APC: variants seen among roughly 807,000 people sequenced by gnomAD.
APC encodes the protein APC regulator of Wnt signaling pathway.
A neutral mutation model predicts 247.0 loss-of-function variants in APC; 72 were observed. The ratio of observed to expected loss-of-function variants is 0.29; its 90% CI spans 0.24 to 0.35. The LOEUF is 0.35. Ranked by LOEUF, APC falls within the 10% of genes least tolerant of loss-of-function variation. The pLI is 1.00. For synonymous variants in APC, 1,254 were observed against 1,162.5 expected, an observed-to-expected ratio of 1.08 and a Z score of -1.60; for missense variants, 3,400 against 3,360.7, an observed-to-expected ratio of 1.01 and a Z score of -0.29.
chr5:112,747,466 C>T (rs1040352316), intron 1 of APC, among the ~76,000 whole-genome samples: 4 of 152,012 alleles, frequency 2.6e-5, no homozygotes, highest in African/African-American at 9.7e-5. Flanking sequence ...TTCAGTTATC[C>T]ATATGAAACA....
intron 11 of APC, among the ~76,000 whole-genome samples, chr5:112,825,769 T>G (rs961091629): frequency 1.4e-4 from 21 of 152,232 alleles, no homozygotes; most frequent in African/African-American, 4.8e-4. Context: ...CCTCAGCCTT[T>G]TTCTTATGGA....
At chr5:112,727,653 T>C (rs1171983781) in intron 1 of APC, among the ~76,000 whole-genome samples, 1 of 152,194 alleles carries the variant, frequency 6.6e-6, no homozygotes, top group African/African-American at 2.4e-5. Context: ...AAATAAATGA[T>C]CATTTTGATC....
Position 112,818,952 on chromosome 5 carries a change from C to T in APC, c.934-14C>T, listed in dbSNP as rs778707022. 4.5e-5 allele frequency: 72 copies of T among 1,592,574 alleles called. No individual in the cohort carries two copies. The highest frequency in any genetic ancestry group is 2.3e-5 in the East Asian group (1 of 42,678). On this transcript the variant is annotated splice_polypyrimidine_tract_variant and intron_variant, in intron 9 of 15. Transcript: ENST00000257430. The stretch of plus-strand genomic sequence containing the variant: ...AAAGTCGTAATTTTGTTTCTAAACT[C>T]ATTTGGCCCACAGGTGGAAATGGTG...
rs2149971468 is a variant in APC at position 112,842,314 on chromosome 5, C to G, written c.6720C>G (p.Ser2240=). Reference sequence around the variant, plus strand: ...ATATTCCAGGAGTTCGAAATAGCTCCTCAAGTACAAGTCCTGTTTCTAAAA... The same window carrying G: ...ATATTCCAGGAGTTCGAAATAGCTCGTCAAGTACAAGTCCTGTTTCTAAAA... ...MIHIPGVRNS[S]SSTSPVSKKG... The change falls in exon 16 of 16, where the codon TCC becomes TCG. Residue 2240 remains serine (S), a synonymous_variant. Coordinates refer to ENST00000257430, the MANE Select transcript of APC (RefSeq NM_000038.6). 1 of 1,613,856 alleles carries G rather than the reference C, an allele frequency of 6.2e-7. No individual in the cohort carries two copies. The highest frequency in any genetic ancestry group is 8.5e-7 in the Non-Finnish European group (1 of 1,179,796).
At chr5:112,734,792 TG>T (rs59400615), upstream of APC, among the ~76,000 whole-genome samples, 55,550 of 141,158 alleles carry the variant, frequency 0.39, 12,450 homozygotes, top group East Asian at 0.63. Context: ...TGTGTGTGTG[TG>T]TTTTTTTTTT....
chr5:112,710,622 A>G (rs1463945675), intron 1 of APC, among the ~76,000 whole-genome samples: 3 of 152,088 alleles, frequency 2.0e-5, no homozygotes, highest in Admixed American at 1.3e-4. Flanking sequence ...AGGACGTTCT[A>G]AAGCTTGAGT....
Position 112,844,023 on chromosome 5 carries a change from A to G in APC, c.8429A>G (p.Asn2810Ser), listed in dbSNP as rs758044862. 2.8e-5 allele frequency: 45 copies of G among 1,602,514 alleles called. No homozygotes were observed. Among genetic ancestry groups the G allele is most frequent in the South Asian group, 4.5e-5 (4 of 88,546 alleles). The change falls in exon 16 of 16, where the codon AAT (asparagine) becomes AGT (serine). Residue 2810 changes from asparagine (N) to serine (S), a missense_variant. Physicochemically the swap from Asn to Ser is conservative, Grantham distance 46. Around this residue, in one of 9 missense-constraint regions of APC, gnomAD observed 1,788 missense variants for 1,649.5 expected, o/e 1.08. Transcript: ENST00000257430. ...CCATCTCAGATCCCAACTCCAGTGA[A>G]TAACAACACAAAGAAGCGAGATTCC... Reference protein sequence around the residue: ...ARPSQIPTPVNNNTKKRDSKT... With the variant: ...ARPSQIPTPVSNNTKKRDSKT...
intron 1 of APC, among the ~76,000 whole-genome samples, chr5:112,741,146 A>C (rs1752966958): frequency 6.6e-6 from 1 of 152,210 alleles, no homozygotes. Flanking sequence ...AAAATGCTGG[A>C]GTCAAATAAG....
intron 1 of APC, among the ~76,000 whole-genome samples, chr5:112,708,143 C>T (rs534882718): frequency 1.3e-5 from 2 of 152,360 alleles, no homozygotes; most frequent in South Asian, 4.1e-4. Context: ...AGCTTCGCCC[C>T]TGCAAGTGGT....
At chr5:112,720,097 TTC>T (rs1751399869) in intron 1 of APC, among the ~76,000 whole-genome samples, 1 of 152,210 alleles carries the variant, frequency 6.6e-6, no homozygotes, top group Admixed American at 6.5e-5. Flanking sequence ...TAAATTGGTG[TTC>T]TTCTGTGATG....
At chr5:112,707,919 C>G (rs1407349343) in intron 1 of APC, 1 of 1,330,990 alleles carries the variant, frequency 7.5e-7, no homozygotes, top group African/African-American at 1.5e-5. Context: ...CTCCTCCCGG[C>G]AAAGCTTCCT....
intron 1 of APC, among the ~76,000 whole-genome samples, chr5:112,749,815 G>A (rs992307310): frequency 6.6e-5 from 10 of 150,526 alleles, no homozygotes; most frequent in African/African-American, 2.4e-4. Flanking sequence ...AACTATTAAG[G>A]TTTTTCTGTT....
At position 112,838,012 on chromosome 5, in the gene APC, T is replaced by A. The variant is rs372917037; in HGVS notation, c.2418T>A (p.His806Gln). ...ATTATGTTTTTGACACCAATCGACA[T>A]GATGATAATAGGTCAGACAATTTTA... ...YGDYVFDTNR[H>Q]DDNRSDNFNT... The change falls in exon 16 of 16, where the codon CAT becomes CAA. Residue 806 changes from histidine (H) to glutamine (Q), a missense_variant. Physicochemically the swap from His to Gln is conservative, Grantham distance 24. This residue lies in a region of APC where 91 missense variants were observed against 103.3 expected (regional missense o/e 0.88). Coordinates refer to ENST00000257430, the MANE Select transcript of APC (RefSeq NM_000038.6). 5.6e-6 allele frequency: 9 copies of A among 1,614,030 alleles called. No individual in the cohort carries two copies. In the African/African-American group the frequency reaches 1.2e-4, roughly 22 times the overall value.
intron 15 of APC, among the ~76,000 whole-genome samples, chr5:112,837,129 TTCTA>T (rs1717424834): frequency 6.6e-6 from 1 of 152,198 alleles, no homozygotes; most frequent in Non-Finnish European, 1.5e-5. Context: ...CTTCAATCAA[TTCTA>T]TCTACCTCTT....
intron 11 of APC, among the ~76,000 whole-genome samples, chr5:112,825,992 C>G (rs1763620707): frequency 6.6e-6 from 1 of 152,212 alleles, no homozygotes. Flanking sequence ...TTTTCACTTA[C>G]CTACATTCAA....
rs1580661875 is a variant in APC, at chr5:112,841,208, G to A, written c.5614G>A (p.Val1872Ile). Residue 1872 changes from valine to isoleucine, a missense_variant, in exon 16 of 16, where the codon GTT (valine) becomes ATT (isoleucine). Val to Ile is a conservative substitution (Grantham distance 29). This residue lies in a region of APC where 1,788 missense variants were observed against 1,649.5 expected (regional missense o/e 1.08). Transcript: ENST00000257430. The surrounding 1 kb of genome is among the most constrained non-coding windows in gnomAD (Gnocchi z 4.6). ...LSSLDFDDDD[V>I]DLSREKAELR... ...TTCTCTAGATTTTGATGATGATGAT[G>A]TTGACCTTTCCAGGGAAAAGGCTGA... is the stretch of plus-strand genomic sequence containing the variant. 6.2e-7 allele frequency: 1 copy of A among 1,613,944 alleles called. No individual in the cohort carries two copies. The highest frequency in any genetic ancestry group is 1.1e-5 in the South Asian group (1 of 91,078).
chr5:112,778,612 T>G (rs1422911074), intron 5 of APC: 1 of 150,302 alleles, frequency 6.7e-6, no homozygotes. Context: ...AGTGGCGCAA[T>G]CTCAGCTCAC....
chr5:112,817,738 AT>A (rs1188470415), intron 9 of APC, among the ~76,000 whole-genome samples: 3 of 152,248 alleles, frequency 2.0e-5, no homozygotes, highest in African/African-American at 7.2e-5. Flanking sequence ...GTATTATTTT[AT>A]TTCACCTTAA....
intron 1 of APC, among the ~76,000 whole-genome samples, chr5:112,710,241 G>T (rs971851677): frequency 6.6e-6 from 1 of 152,180 alleles, no homozygotes; most frequent in African/African-American, 2.4e-5. Flanking sequence ...TTTTATGCCA[G>T]TTGGTGCTCT....
Sources: allele counts gnomAD v4.1 joint callset (sites outside exome capture counted in the v4.1 genomes callset), GRCh38; gene constraint gnomAD v4.1.1; regional missense constraint gnomAD v4.1.1; non-coding constraint Gnocchi (gnomAD v3.1); transcripts MANE v1.5; gene names NCBI Gene and HGNC (gene_info 2026-07-23, HGNC 2026-07-21).